Variants in LRRC20 observed in about 807,000 individuals in gnomAD.
LRRC20 encodes the protein leucine rich repeat containing 20, also known as leucine-rich repeat-containing protein 20.
In LRRC20, 11 loss-of-function variants were observed where a neutral mutation model predicts 14.4. The observed-to-expected ratio is 0.77, with a 90% CI of 0.48 to 1.27. The LOEUF (loss-of-function observed/expected upper bound fraction) is 1.27. Ranked by LOEUF, LRRC20 falls within the 50% of genes most tolerant of loss-of-function variation. The pLI is 0.00. For missense variants in LRRC20, 219 were observed against 251.2 expected (o/e 0.87, Z 0.87); for synonymous variants, 121 against 107.3 (o/e 1.13, Z -0.79).
chr10:70,351,299 C>A (rs1450679030), intron 2 of LRRC20, among the ~76,000 whole-genome samples: 1 of 152,116 alleles, frequency 6.6e-6, no homozygotes, highest in Non-Finnish European at 1.5e-5. Context: ...TTAACAATAT[C>A]CCCAGGTGAT....
At chr10:70,355,170 T>C (rs1003226005) in intron 2 of LRRC20, among the ~76,000 whole-genome samples, 1 of 152,166 alleles carries the variant, frequency 6.6e-6, no homozygotes, top group Non-Finnish European at 1.5e-5. Flanking sequence ...GCAAAACAAC[T>C]GCTCATCAAG....
intron 4 of LRRC20, among the ~76,000 whole-genome samples, chr10:70,305,731 C>T (rs1841394163): frequency 7.0e-6 from 1 of 143,510 alleles, no homozygotes; most frequent in South Asian, 2.2e-4. Context: ...TGACCATTAG[C>T]TAGATTTGCC....
intron 4 of LRRC20, among the ~76,000 whole-genome samples, chr10:70,313,615 T>C (rs1841747923): frequency 6.6e-6 from 1 of 152,228 alleles, no homozygotes; most frequent in African/African-American, 2.4e-5. Context: ...AATTTGTTTA[T>C]ACTTCAACCT....
intron 3 of LRRC20, among the ~76,000 whole-genome samples, chr10:70,324,406 G>A (rs1011531639): frequency 2.0e-5 from 3 of 152,280 alleles, no homozygotes; most frequent in African/African-American, 4.8e-5. Flanking sequence ...TCTCCCCCTC[G>A]GGGCTCCCCA....
chr10:70,305,006 G>A lies in LRRC20; in HGVS notation c.401-3498C>T, dbSNP rs1458185639. ...TCGAGACCAGCCTGACCAACACAGTGAAACCCTGTCTCTACTAAATACAAA... is the reference window on the plus strand; with the variant it reads ...TCGAGACCAGCCTGACCAACACAGTAAAACCCTGTCTCTACTAAATACAAA... On this transcript the variant is annotated intron_variant, in intron 4 of 4. Coordinates refer to ENST00000446961, the MANE Select transcript of LRRC20 (RefSeq NM_001278212.2). 3.3e-5 allele frequency among the ~76,000 whole-genome samples: 5 copies of A among 152,160 alleles called. No homozygotes were observed. The East Asian group carries it at 9.6e-4, about 29-fold the overall frequency.
chr10:70,305,175 ACT>A lies in LRRC20; in HGVS notation c.401-3669_401-3668del, dbSNP rs1841372517. Among the ~76,000 whole-genome samples the A allele has an allele frequency of 2.0e-5, 3 of 152,254 alleles. No individual in the cohort carries two copies. In the South Asian group the frequency reaches 6.2e-4, roughly 32 times the overall value. ...CTCCAGCCTGGGCAACAAGAGCGAA[ACT>A]CTATCTAAATAAATAAATAATAAAA... is the stretch of plus-strand genomic sequence containing the variant. On this transcript the variant is annotated intron_variant, in intron 4 of 4. Coordinates refer to ENST00000446961, the MANE Select transcript of LRRC20 (RefSeq NM_001278212.2).
intron 4 of LRRC20, among the ~76,000 whole-genome samples, chr10:70,305,461 C>G (rs1310469422): frequency 1.3e-5 from 2 of 152,168 alleles, no homozygotes; most frequent in African/African-American, 4.8e-5. Context: ...GTGCCCCTTT[C>G]CAGTTTATAC....
In LRRC20 at chr10:70,376,502, C is replaced by CT; in HGVS notation, c.31dup (p.Arg11LysfsTer15). ...CGTCTCGTTGACCTTCCTTGCTACT[C>CT]TGGCCACGGCCTCACCCATCTTCTT... On this transcript the variant is annotated frameshift_variant, in exon 2 of 5. Transcript: ENST00000446961. LOFTEE classifies it high-confidence loss of function. 1 of 1,613,932 alleles carries CT rather than the reference C, an allele frequency of 6.2e-7. No individual in the cohort carries two copies. Among genetic ancestry groups the CT allele is most frequent in the East Asian group, 2.2e-5 (1 of 44,904 alleles).
intron 3 of LRRC20, among the ~76,000 whole-genome samples, chr10:70,330,790 T>C (rs755971096): frequency 2.0e-5 from 3 of 152,196 alleles, no homozygotes; most frequent in Non-Finnish European, 4.4e-5. Context: ...CTGCTCCCAC[T>C]GTGGTTTCCA....
chr10:70,380,652 C>T (rs1844668026), intron 1 of LRRC20, among the ~76,000 whole-genome samples: 1 of 152,248 alleles, frequency 6.6e-6, no homozygotes, highest in Non-Finnish European at 1.5e-5. Flanking sequence ...GGAAAGCACT[C>T]CAAATCCCAG....
chr10:70,340,102 T>C (rs1048547763), intron 3 of LRRC20, among the ~76,000 whole-genome samples: 2 of 147,540 alleles, frequency 1.4e-5, no homozygotes, highest in Admixed American at 6.8e-5. Flanking sequence ...GCCTGGGCGA[T>C]ACAGCAAGAT....
chr10:70,302,697 A>G (rs1421651051), intron 4 of LRRC20, among the ~76,000 whole-genome samples: 1 of 149,542 alleles, frequency 6.7e-6, no homozygotes, highest in East Asian at 2.0e-4. Context: ...ACATAGTGAG[A>G]CCCCAGTCTC....
intron 2 of LRRC20, among the ~76,000 whole-genome samples, chr10:70,350,868 G>A (rs4747008): frequency 6.6e-6 from 1 of 152,162 alleles, no homozygotes; most frequent in Admixed American, 6.5e-5. Context: ...TCCTTTGGCC[G>A]ACGTTTGCCA....
intron 3 of LRRC20, among the ~76,000 whole-genome samples, chr10:70,339,670 T>G (rs1236109314): frequency 3.9e-5 from 6 of 152,162 alleles, no homozygotes; most frequent in Non-Finnish European, 5.9e-5. Flanking sequence ...GAGACTGCTC[T>G]CTGGAGAAGA....
intron 2 of LRRC20, among the ~76,000 whole-genome samples, chr10:70,341,437 G>A (rs1842908725): frequency 6.6e-6 from 1 of 152,200 alleles, no homozygotes; most frequent in Non-Finnish European, 1.5e-5. Context: ...AGCAAAATGT[G>A]GTCTCTCCAT....
At chr10:70,321,507 G>A (rs1469389011) in intron 4 of LRRC20, among the ~76,000 whole-genome samples, 1 of 152,238 alleles carries the variant, frequency 6.6e-6, no homozygotes, top group African/African-American at 2.4e-5. Flanking sequence ...AACAGTGGCT[G>A]CCTCCATATG....
chr10:70,378,660 G>A (rs189144314), intron 1 of LRRC20, among the ~76,000 whole-genome samples: 8 of 151,742 alleles, frequency 5.3e-5, no homozygotes, highest in South Asian at 4.2e-4. Context: ...GGTGGCGGGC[G>A]CCTCGGGAAG....
intron 3 of LRRC20, among the ~76,000 whole-genome samples, chr10:70,330,753 C>T (rs11598703): frequency 0.23 from 34,826 of 152,112 alleles, 4,293 homozygotes; most frequent in Non-Finnish European, 0.24. Context: ...TCAGAAGCCA[C>T]GGCCCAGCAG....
At position 70,301,381 on chromosome 10, in the gene LRRC20, C is replaced by A. The variant is rs377622103; in HGVS notation, c.528G>T (p.Pro176=). ...PLIKFDMLMS[P]EGARAPLP ...AAGGTAGGGGGGCTCTTGCGCCTTC[C>A]GGAGACATGAGCATGTCAAACTTGA... The change falls in exon 5 of 5, where the codon CCG becomes CCT. Residue 176 remains proline, a synonymous_variant. Coordinates refer to ENST00000446961, the MANE Select transcript of LRRC20 (RefSeq NM_001278212.2). The A allele has an allele frequency of 1.8e-4, 287 of 1,613,494 alleles. 1 individual carries two copies. The highest frequency in any genetic ancestry group is 2.2e-4 in the Non-Finnish European group (258 of 1,179,962).
Sources: allele counts gnomAD v4.1 joint callset (sites outside exome capture counted in the v4.1 genomes callset), GRCh38; gene constraint gnomAD v4.1.1; transcripts MANE v1.5; gene names NCBI Gene and HGNC (gene_info 2026-07-23, HGNC 2026-07-21).